The following CNTN5 variants were observed in gnomAD, a reference collection of about 807,000 sequenced individuals.
CNTN5 encodes the protein contactin 5.
A neutral mutation model predicts 129.1 loss-of-function variants in CNTN5; 77 were observed. The observed-to-expected ratio is 0.60, with a 90% CI of 0.50 to 0.72. The LOEUF is 0.72. CNTN5 is among the 30% of genes least tolerant of loss of function. The pLI is 0.00. For missense variants in CNTN5, 1,478 were observed against 1,328.8 expected, an observed-to-expected ratio of 1.11 and a Z score of -1.75; for synonymous variants, 509 against 465.6, an observed-to-expected ratio of 1.09 and a Z score of -1.20.
At chr11:99,111,442 T>C (rs1196741256) in intron 1 of CNTN5, among the ~76,000 whole-genome samples, 1 of 152,094 alleles carries the variant, frequency 6.6e-6, no homozygotes, top group Non-Finnish European at 1.5e-5. Context: ...TGAAGGATGT[T>C]TCCCCACTTC....
chr11:99,554,155 T>C (rs1321657537), intron 2 of CNTN5, among the ~76,000 whole-genome samples: 1 of 152,102 alleles, frequency 6.6e-6, no homozygotes, highest in Non-Finnish European at 1.5e-5. Flanking sequence ...TGGCATCTTA[T>C]GAAAAGTGCT....
chr11:99,302,233 T>C (rs758185038), intron 1 of CNTN5, among the ~76,000 whole-genome samples: 94 of 151,232 alleles, frequency 6.2e-4, no homozygotes, highest in Non-Finnish European at 9.8e-4. Flanking sequence ...AGCTGAAAAG[T>C]AAGAAACAGG....
chr11:99,282,085 G>A (rs1863723998), intron 1 of CNTN5, among the ~76,000 whole-genome samples: 1 of 151,916 alleles, frequency 6.6e-6, no homozygotes, highest in Non-Finnish European at 1.5e-5. Context: ...GTCCCCGTTG[G>A]TATTGTCTGC....
At chr11:99,186,246 G>A (rs1858345013) in intron 1 of CNTN5, among the ~76,000 whole-genome samples, 1 of 151,744 alleles carries the variant, frequency 6.6e-6, no homozygotes, top group African/African-American at 2.4e-5. Context: ...CATTACTCAA[G>A]GTTTCTAAAA....
chr11:100,287,329 A>C (rs997289979), intron 18 of CNTN5, among the ~76,000 whole-genome samples: 9 of 151,260 alleles, frequency 6.0e-5, no homozygotes, highest in African/African-American at 1.9e-4. Flanking sequence ...GTTGAAATGA[A>C]GGAAAAAATG....
intron 6 of CNTN5, among the ~76,000 whole-genome samples, chr11:99,893,544 T>C (rs1329893744): frequency 2.0e-5 from 3 of 152,168 alleles, no homozygotes; most frequent in African/African-American, 4.8e-5. Context: ...GAAAGCACAA[T>C]AATACCTAAA....
At chr11:99,622,117 G>A (rs944341406) in intron 3 of CNTN5, among the ~76,000 whole-genome samples, 3 of 152,114 alleles carry the variant, frequency 2.0e-5, no homozygotes, top group Admixed American at 6.5e-5. Flanking sequence ...CTGTTGCCTA[G>A]TACTTGGCTA....
At chr11:99,606,503 G>A (rs1164675442) in intron 3 of CNTN5, among the ~76,000 whole-genome samples, 4 of 143,138 alleles carry the variant, frequency 2.8e-5, no homozygotes, top group Admixed American at 6.9e-5. Flanking sequence ...AATCAATATC[G>A]TGAAAATGGC....
chr11:99,462,345 TTTTTCTTTTC>T (rs1210077325), intron 2 of CNTN5, among the ~76,000 whole-genome samples: 4 of 132,162 alleles, frequency 3.0e-5, no homozygotes, highest in South Asian at 5.3e-4. Flanking sequence ...TTTTTTTCTT[TTTTTCTTTTC>T]TTTTCTTTTT....
chr11:99,068,284 T>C (rs891534294), intron 1 of CNTN5, among the ~76,000 whole-genome samples: 3 of 152,180 alleles, frequency 2.0e-5, no homozygotes, highest in African/African-American at 7.2e-5. Context: ...GCAATTATAA[T>C]GTGATACATT....
intron 9 of CNTN5, among the ~76,000 whole-genome samples, chr11:100,013,634 C>T (rs1366898797): frequency 1.3e-5 from 2 of 152,096 alleles, no homozygotes; most frequent in Non-Finnish European, 2.9e-5. Context: ...CCCATTTGAC[C>T]TGTTTCCTTA....
chr11:99,998,738 C>T lies in CNTN5; in HGVS notation c.878-3296C>T, dbSNP rs1172376285. Among the ~76,000 whole-genome samples the T allele has an allele frequency of 9.7e-3, 1,411 of 145,838 alleles. 27 individuals are homozygous for T. The highest frequency in any genetic ancestry group is 0.034 in the African/African-American group (1,348 of 39,182). On this transcript the variant is annotated intron_variant, in intron 8 of 24. Coordinates refer to ENST00000524871, the MANE Select transcript of CNTN5 (RefSeq NM_014361.4). ...AAAGAACAAAGCTGGAGGCATCACG[C>T]TACCTGACTTCAAAATATACTACAA... is the stretch of plus-strand genomic sequence containing the variant.
chr11:99,556,077 T>G (rs543043562), intron 2 of CNTN5, 68 bp from the exon 3 acceptor site: 28 of 461,912 alleles, frequency 6.1e-5, no homozygotes, highest in Non-Finnish European at 8.6e-5. Context: ...TTGCATTGGT[T>G]TGTATTTGTT....
intron 3 of CNTN5, among the ~76,000 whole-genome samples, chr11:99,645,351 A>G (rs868737500): frequency 1.3e-5 from 2 of 151,966 alleles, no homozygotes; most frequent in South Asian, 4.2e-4. Flanking sequence ...ATGTTTGTCA[A>G]TAAAATAATT....
At chr11:100,172,188 C>G (rs1310397192) in intron 13 of CNTN5, among the ~76,000 whole-genome samples, 3 of 151,910 alleles carry the variant, frequency 2.0e-5, no homozygotes. Context: ...ATAGTAGTTA[C>G]TGTCTCTATC....
chr11:99,761,284 A>T (rs987014586), intron 3 of CNTN5, among the ~76,000 whole-genome samples: 6 of 152,108 alleles, frequency 3.9e-5, no homozygotes, highest in Non-Finnish European at 7.4e-5. Flanking sequence ...TTATTATTAT[A>T]CTTTAAGTTT....
intron 8 of CNTN5, among the ~76,000 whole-genome samples, chr11:99,995,809 A>G (rs769546442): frequency 6.6e-6 from 1 of 152,134 alleles, no homozygotes; most frequent in African/African-American, 2.4e-5. Context: ...CTCCAAGGCT[A>G]TCTGATGGCA....
intron 9 of CNTN5, among the ~76,000 whole-genome samples, chr11:100,003,214 G>A (rs917264870): frequency 2.6e-5 from 4 of 152,132 alleles, no homozygotes; most frequent in African/African-American, 9.6e-5. Context: ...GAATTGTTAT[G>A]TGACCCATCT....
At chr11:99,645,765 A>T (rs1951936682) in intron 3 of CNTN5, among the ~76,000 whole-genome samples, 1 of 104,216 alleles carries the variant, frequency 9.6e-6, no homozygotes, top group Non-Finnish European at 2.3e-5. Flanking sequence ...ACATCGCCAC[A>T]GGGAGGGGAA....
Sources: allele counts gnomAD v4.1 joint callset (sites outside exome capture counted in the v4.1 genomes callset), GRCh38; gene constraint gnomAD v4.1.1; transcripts MANE v1.5; gene names NCBI Gene and HGNC (gene_info 2026-07-23, HGNC 2026-07-21).